KCNAB2: variants seen among roughly 807,000 people sequenced by gnomAD.
KCNAB2 encodes voltage-gated potassium channel subunit beta-2.
KCNAB2 carries 29 observed loss-of-function variants against 63.6 expected under a neutral mutation model. The observed-to-expected ratio is 0.46, with a 90% CI of 0.34 to 0.62. The LOEUF is 0.62. Among genes scored for constraint, KCNAB2 ranks in the 20% least tolerant of loss-of-function variants. The pLI, the probability that KCNAB2 is intolerant of heterozygous loss-of-function variation, is 0.01. For missense variants in KCNAB2, 359 were observed against 563.9 expected (o/e 0.64, Z 3.68); for synonymous variants, 222 against 224.2 (o/e 0.99, Z 0.09).
At chr1:6,094,569 G>A in intron 11 of KCNAB2, 84 bp downstream of exon 11, 3 of 1,195,622 alleles carry the variant, frequency 2.5e-6, no homozygotes, top group Non-Finnish European at 3.6e-6. Flanking sequence ...CTCTGGCGGG[G>A]TCTGTGCCTT....
intron 1 of KCNAB2, among the ~76,000 whole-genome samples, chr1:6,025,302 G>A (rs573069583): frequency 1.3e-5 from 2 of 152,230 alleles, no homozygotes; most frequent in East Asian, 1.9e-4. Flanking sequence ...GTGTGGCCTG[G>A]GACCAGGGAC....
At chr1:6,060,178 A>T (rs1570987478) in intron 2 of KCNAB2, among the ~76,000 whole-genome samples, 1 of 151,762 alleles carries the variant, frequency 6.6e-6, no homozygotes, top group Non-Finnish European at 1.5e-5. Flanking sequence ...GGAGAAGGAC[A>T]CTCCTGGAAT....
intron 2 of KCNAB2, among the ~76,000 whole-genome samples, chr1:6,055,511 A>G (rs1570973908): frequency 6.6e-6 from 1 of 152,082 alleles, no homozygotes; most frequent in Non-Finnish European, 1.5e-5. Context: ...ATGCACCACC[A>G]TGCCTGACTA....
At chr1:6,030,927 GGT>G (rs70981310), upstream of KCNAB2, among the ~76,000 whole-genome samples, 94 of 149,428 alleles carry the variant, frequency 6.3e-4, no homozygotes, top group African/African-American at 1.6e-3. Flanking sequence ...TATGTGTAGG[GGT>G]GTGTGTGTGT....
At chr1:6,088,071 T>A (rs1414352456) in intron 7 of KCNAB2, among the ~76,000 whole-genome samples, 1 of 152,080 alleles carries the variant, frequency 6.6e-6, no homozygotes, top group Non-Finnish European at 1.5e-5. Context: ...TTATTTTTTA[T>A]TTTTTTGAGA....
Position 6,096,465 on chromosome 1 carries a change from C to A in KCNAB2, c.949-171C>A. The A allele has an allele frequency of 1.1e-6, 1 of 883,092 alleles. No individual in the cohort carries two copies. Among genetic ancestry groups the A allele is most frequent in the Non-Finnish European group, 1.7e-6 (1 of 585,858 alleles). 54.7% of individuals were successfully genotyped at this position (883,092 alleles called of 1,614,324 possible). On this transcript the variant is annotated intron_variant, in intron 13 of 15. Coordinates refer to ENST00000378083, the MANE Select transcript of KCNAB2 (RefSeq NM_001199862.2). This position sits in a 1 kb window ranked among gnomAD's most constrained non-coding sequence, Gnocchi z 5.9. Reference sequence around the variant, plus strand: ...GCCCGTGCCCGGCCCACTGCCCACTCTCCCCTACTTGAGAGGCCTGGGGCA... The same window carrying A: ...GCCCGTGCCCGGCCCACTGCCCACTATCCCCTACTTGAGAGGCCTGGGGCA...
At chr1:5,998,386 C>T (rs1436245856) in intron 1 of KCNAB2, among the ~76,000 whole-genome samples, 2 of 152,132 alleles carry the variant, frequency 1.3e-5, no homozygotes, top group Non-Finnish European at 2.9e-5. Context: ...GGACTGGGCT[C>T]GGTTGACCTT....
chr1:6,080,334 G>C (rs1011632225), intron 4 of KCNAB2, among the ~76,000 whole-genome samples: 3 of 152,156 alleles, frequency 2.0e-5, no homozygotes, highest in Admixed American at 1.3e-4. Flanking sequence ...TGCTAGAGGT[G>C]GGGAGAGATT....
chr1:6,066,398 T>G (rs1329177535), intron 2 of KCNAB2, among the ~76,000 whole-genome samples: 1 of 152,170 alleles, frequency 6.6e-6, no homozygotes, highest in African/African-American at 2.4e-5. Context: ...TTGGGCAGTT[T>G]GTGCTGAGGG....
chr1:6,091,825 C>G (rs1665212938), intron 10 of KCNAB2, among the ~76,000 whole-genome samples: 1 of 152,192 alleles, frequency 6.6e-6, no homozygotes, highest in Non-Finnish European at 1.5e-5. Flanking sequence ...CACGCTGCTC[C>G]TCGGACGGCA....
intron 1 of KCNAB2, among the ~76,000 whole-genome samples, chr1:6,013,283 G>A (rs1030036546): frequency 6.6e-6 from 1 of 152,024 alleles, no homozygotes; most frequent in Non-Finnish European, 1.5e-5. Flanking sequence ...GGCCAGTCAG[G>A]TGAACAGTCA....
At chr1:6,010,145 G>A (rs530271273) in intron 1 of KCNAB2, among the ~76,000 whole-genome samples, 7 of 152,226 alleles carry the variant, frequency 4.6e-5, no homozygotes, top group Non-Finnish European at 8.8e-5. Context: ...CCAAAGTGCT[G>A]GCATTACAGG....
At chr1:6,067,142 C>CT (rs1403650217) in intron 2 of KCNAB2, among the ~76,000 whole-genome samples, 1 of 152,230 alleles carries the variant, frequency 6.6e-6, no homozygotes, top group African/African-American at 2.4e-5. Flanking sequence ...ATGTAAGTCT[C>CT]TGAGTCCAGA....
chr1:6,015,517 A>G (rs931936022), intron 1 of KCNAB2, among the ~76,000 whole-genome samples: 66 of 152,322 alleles, frequency 4.3e-4, no homozygotes, highest in African/African-American at 1.5e-3. Flanking sequence ...AATGCCTAAA[A>G]TATTTACTGT....
chr1:6,072,721 GGTGCTGAGAACTCACGTGGC>G lies in KCNAB2; in HGVS notation c.219-31_219-12del. 1 of 1,612,958 alleles carries G rather than the reference GGTGCTGAGAACTCACGTGGC, an allele frequency of 6.2e-7. No individual in the cohort carries two copies. The highest frequency in any genetic ancestry group is 8.5e-7 in the Non-Finnish European group (1 of 1,179,182). On this transcript the variant is annotated splice_polypyrimidine_tract_variant and intron_variant, in intron 2 of 15. Transcript: ENST00000378083. ...AGCCTGGCTGGCAGGGTCCTGCCTG[GGTGCTGAGAACTCACGTGGC>G]GTTTGTTTTTCAGGAACCTGGGCAA...
chr1:6,075,727 T>C (rs1189807993), intron 4 of KCNAB2, among the ~76,000 whole-genome samples: 1 of 152,220 alleles, frequency 6.6e-6, no homozygotes, highest in Non-Finnish European at 1.5e-5. Flanking sequence ...CAGTTTTTTA[T>C]TACATATATG....
chr1:6,053,347 C>T (rs958269444), intron 2 of KCNAB2, among the ~76,000 whole-genome samples: 2 of 152,200 alleles, frequency 1.3e-5, no homozygotes, highest in Non-Finnish European at 2.9e-5. Flanking sequence ...CAAGAGCAAC[C>T]AGGTCCCCAA....
chr1:6,044,185 G>A (rs553642452), upstream of KCNAB2, among the ~76,000 whole-genome samples: 1 of 152,328 alleles, frequency 6.6e-6, no homozygotes, highest in Admixed American at 6.5e-5. Flanking sequence ...CCACCAGTGG[G>A]AGGAGCTATA....
intron 15 of KCNAB2, chr1:6,098,268 G>C: frequency 7.4e-7 from 1 of 1,350,382 alleles, no homozygotes; most frequent in Non-Finnish European, 9.5e-7. Flanking sequence ...TGACATTTGA[G>C]AGGGAGTGCA....
Sources: allele counts gnomAD v4.1 joint callset (sites outside exome capture counted in the v4.1 genomes callset), GRCh38; gene constraint gnomAD v4.1.1; non-coding constraint Gnocchi (gnomAD v3.1); transcripts MANE v1.5; gene names NCBI Gene and HGNC (gene_info 2026-07-23, HGNC 2026-07-21).